LMF1: variants seen among roughly 807,000 people sequenced by gnomAD.
The protein encoded by LMF1 is lipase maturation factor 1, also known as transmembrane protein 112.
LMF1 carries 68 observed loss-of-function variants against 60.6 expected under a neutral mutation model. That is an observed-to-expected ratio of 1.12 (90% CI 0.92 to 1.37). LMF1 has a LOEUF of 1.37. Ranked by LOEUF, LMF1 falls within the 40% of genes most tolerant of loss-of-function variation. The pLI is 0.00. For missense variants in LMF1, 948 were observed against 767.2 expected (o/e 1.24, Z -2.78); for synonymous variants, 418 against 324.7 (o/e 1.29, Z -3.09).
At chr16:953,177 A>ACACC (rs1477206755) in intron 2 of LMF1, among the ~76,000 whole-genome samples, 6 of 84,654 alleles carry the variant, frequency 7.1e-5, no homozygotes, top group South Asian at 4.5e-4. Flanking sequence ...GTCCACACAG[A>ACACC]CACCCCAAAC....
chr16:879,020 C>A (rs1316634843), intron 6 of LMF1, among the ~76,000 whole-genome samples: 1 of 152,042 alleles, frequency 6.6e-6, no homozygotes, highest in South Asian at 2.1e-4. Context: ...TCCTTCGAGG[C>A]GCCCTCAATG....
Position 966,363 on chromosome 16 carries a change from G to A in LMF1, c.193+4425C>T, listed in dbSNP as rs1312440338. Among the ~76,000 whole-genome samples, 3 of 152,328 alleles carry A rather than the reference G, an allele frequency of 2.0e-5. No individual in the cohort carries two copies. The South Asian group carries it at 6.2e-4, about 32-fold the overall frequency. On this transcript the variant is annotated intron_variant, in intron 1 of 10. Coordinates refer to ENST00000262301, the MANE Select transcript of LMF1 (RefSeq NM_022773.4). Reference sequence around the variant, plus strand: ...CCGAGCAGCCGGCCCTGGCCGGGGCGGTTCCCTCCTAGGCCTGTCCAGGAC... The same window carrying A: ...CCGAGCAGCCGGCCCTGGCCGGGGCAGTTCCCTCCTAGGCCTGTCCAGGAC...
chr16:954,705 C>G (rs765765355), intron 1 of LMF1, 39 bp from the exon 2 acceptor site: 16 of 1,542,992 alleles, frequency 1.0e-5, no homozygotes, highest in Non-Finnish European at 1.4e-5. Context: ...TGACTAGGAA[C>G]AAACCACATG....
At chr16:870,201 C>G in intron 8 of LMF1, 135 bp from the exon 9 acceptor site, 2 of 1,019,254 alleles carry the variant, frequency 2.0e-6, no homozygotes, top group East Asian at 5.2e-5. Flanking sequence ...GCCTCCTGGT[C>G]AGGGGCTACT....
At chr16:964,499 G>A (rs780441713) in intron 1 of LMF1, among the ~76,000 whole-genome samples, 1 of 152,166 alleles carries the variant, frequency 6.6e-6, no homozygotes, top group Non-Finnish European at 1.5e-5. Context: ...GAGCTCCGAA[G>A]TAGGGCAGTG....
At chr16:860,411 C>T (rs1350365256) in intron 10 of LMF1, among the ~76,000 whole-genome samples, 1 of 150,214 alleles carries the variant, frequency 6.7e-6, no homozygotes, top group Non-Finnish European at 1.5e-5. Flanking sequence ...GTGATCTCGG[C>T]TCACTGCAAC....
intron 3 of LMF1, among the ~76,000 whole-genome samples, chr16:927,385 C>A (rs538644707): frequency 6.6e-6 from 1 of 152,206 alleles, no homozygotes; most frequent in Admixed American, 6.5e-5. Context: ...TCTGGAACCA[C>A]GCTCTACAGG....
At chr16:973,092 C>T (rs1299335135), upstream of LMF1, among the ~76,000 whole-genome samples, 1 of 152,208 alleles carries the variant, frequency 6.6e-6, no homozygotes, top group African/African-American at 2.4e-5. Context: ...CCTGTCATCC[C>T]AGCACTTTGG....
chr16:972,706 G>A (rs1015584968), upstream of LMF1, among the ~76,000 whole-genome samples: 12 of 152,322 alleles, frequency 7.9e-5, 1 homozygote, highest in South Asian at 1.9e-3. Context: ...GCTTCCCCTC[G>A]CTGGGCCGAG....
chr16:977,688 G>A (rs2729595), intron 1 of LMF1, among the ~76,000 whole-genome samples: 57,626 of 129,822 alleles, frequency 0.44, 11,537 homozygotes, highest in African/African-American at 0.62. Flanking sequence ...GTGGATGGAG[G>A]GGGACGGGGA....
chr16:857,808 T>A (rs867821544), intron 10 of LMF1, among the ~76,000 whole-genome samples: 16 of 26,314 alleles, frequency 6.1e-4, no homozygotes, highest in Non-Finnish European at 7.1e-4. Context: ...GCGTGGTGTC[T>A]CGGGATGGGT....
chr16:922,322 A>G (rs1281861795), intron 3 of LMF1, among the ~76,000 whole-genome samples: 1 of 152,186 alleles, frequency 6.6e-6, no homozygotes, highest in Non-Finnish European at 1.5e-5. Context: ...GGGGGTTCTG[A>G]TCCAGCTGTG....
At chr16:955,592 T>C (rs1391306719) in intron 1 of LMF1, among the ~76,000 whole-genome samples, 3 of 152,176 alleles carry the variant, frequency 2.0e-5, no homozygotes, top group Non-Finnish European at 4.4e-5. Flanking sequence ...ATAAAATGGG[T>C]GCCTGCAGCA....
At chr16:979,090 C>T (rs781661966) in intron 1 of LMF1, 10 of 453,870 alleles carry the variant, frequency 2.2e-5, no homozygotes, top group Non-Finnish European at 4.4e-5. Flanking sequence ...TGGCCCGGCT[C>T]CATCCTGTGT....
rs567354871 is a variant in LMF1 at position 968,008 on chromosome 16, G to A, written c.193+2780C>T. On this transcript the variant is annotated intron_variant, in intron 1 of 10. Coordinates refer to ENST00000262301, the MANE Select transcript of LMF1 (RefSeq NM_022773.4). ...GAGCCCTGTGAAAATGCCGCTTTCC[G>A]CTAACACACTCCGGCTCCCACAGCA... 1.2e-4 allele frequency among the ~76,000 whole-genome samples: 18 copies of A among 152,340 alleles called. No homozygotes were observed. The South Asian group carries it at 1.9e-3, about 16-fold the overall frequency.
chr16:909,925 A>G (rs2071065363), intron 4 of LMF1, among the ~76,000 whole-genome samples: 1 of 152,372 alleles, frequency 6.6e-6, no homozygotes, highest in East Asian at 1.9e-4. Context: ...GGCAGGCACA[A>G]GTTCCTTGGG....
intron 10 of LMF1, among the ~76,000 whole-genome samples, chr16:861,135 G>C (rs778758067): frequency 2.6e-5 from 4 of 152,052 alleles, no homozygotes; most frequent in Non-Finnish European, 5.9e-5. Context: ...GTGTGCTGAC[G>C]TCTTTCAGCA....
chr16:893,554 T>C (rs1410000427), intron 4 of LMF1, among the ~76,000 whole-genome samples: 5 of 151,994 alleles, frequency 3.3e-5, no homozygotes, highest in African/African-American at 1.2e-4. Context: ...GCCCCGTGTG[T>C]CTCCCACACA....
intron 6 of LMF1, among the ~76,000 whole-genome samples, chr16:875,096 G>A (rs1025189446): frequency 2.0e-5 from 3 of 152,152 alleles, no homozygotes; most frequent in African/African-American, 7.2e-5. Flanking sequence ...TGGACACAGT[G>A]TGGGGCTGGA....
Sources: allele counts gnomAD v4.1 joint callset (sites outside exome capture counted in the v4.1 genomes callset), GRCh38; gene constraint gnomAD v4.1.1; transcripts MANE v1.5; gene names NCBI Gene and HGNC (gene_info 2026-07-23, HGNC 2026-07-21).